Variants in RBFOX1 observed in about 807,000 individuals in gnomAD.
RBFOX1 encodes the protein RNA binding protein fox-1 homolog 1.
In RBFOX1, 8 loss-of-function variants were observed where a neutral mutation model predicts 57.7. The observed-to-expected ratio is 0.14, with a 90% CI of 0.08 to 0.25. The LOEUF is 0.25. Among genes scored for constraint, RBFOX1 ranks in the 10% least tolerant of loss-of-function variants. The pLI, the probability that RBFOX1 is intolerant of heterozygous loss-of-function variation, is 1.00. For synonymous variants in RBFOX1, 326 were observed against 222.4 expected, an observed-to-expected ratio of 1.47 and a Z score of -4.15; for missense variants, 611 against 548.5, an observed-to-expected ratio of 1.11 and a Z score of -1.14.
At chr16:5,790,567 T>C (rs2054656686) in intron 3 of RBFOX1, among the ~76,000 whole-genome samples, 2 of 150,638 alleles carry the variant, frequency 1.3e-5, no homozygotes, top group Admixed American at 1.3e-4. Flanking sequence ...TAAAATGGAA[T>C]AGGGACCTTG....
rs116714479 is a variant in RBFOX1, at chr16:6,647,440, G to C, written c.-63-7163G>C. 1.3e-3 allele frequency among the ~76,000 whole-genome samples: 202 copies of C among 152,100 alleles called. 1 individual carries two copies. Among genetic ancestry groups the C allele is most frequent in the African/African-American group, 4.7e-3 (194 of 41,488 alleles). ...TTCTATTATATTGAAATCCAATGGG[G>C]TTTCACCTTGTTGGCCACGTTGGTC... On this transcript the variant is annotated intron_variant, in intron 2 of 15. Coordinates refer to ENST00000550418, the MANE Select transcript of RBFOX1 (RefSeq NM_018723.4).
chr16:5,643,867 A>C (rs1014581893), intron 3 of RBFOX1, among the ~76,000 whole-genome samples: 1 of 152,234 alleles, frequency 6.6e-6, no homozygotes, highest in Non-Finnish European at 1.5e-5. Flanking sequence ...CTGCACACGC[A>C]TAAACAGTAT....
intron 4 of RBFOX1, among the ~76,000 whole-genome samples, chr16:7,097,771 C>G (rs1188590942): frequency 1.3e-5 from 2 of 152,088 alleles, no homozygotes; most frequent in East Asian, 1.9e-4. Flanking sequence ...TCCAGAGATT[C>G]TGATGAAAAG....
chr16:6,839,320 G>A (rs188621538), intron 3 of RBFOX1, among the ~76,000 whole-genome samples: 2 of 152,242 alleles, frequency 1.3e-5, no homozygotes, highest in East Asian at 1.9e-4. Context: ...GTCTGAAAAC[G>A]ATAACTCCTC....
chr16:6,871,255 G>A (rs539542765), intron 3 of RBFOX1, among the ~76,000 whole-genome samples: 10 of 152,148 alleles, frequency 6.6e-5, no homozygotes, highest in South Asian at 2.1e-4. Context: ...GCATGATCTC[G>A]GCTCACTCTA....
At chr16:5,958,724 C>G (rs551256583) in intron 4 of RBFOX1, among the ~76,000 whole-genome samples, 228 of 152,316 alleles carry the variant, frequency 1.5e-3, no homozygotes, top group Non-Finnish European at 2.3e-3. Context: ...AAGGTTTCTA[C>G]TGGCAGCTCC....
chr16:5,861,735 C>A (rs1246063448), intron 3 of RBFOX1, among the ~76,000 whole-genome samples: 1 of 152,230 alleles, frequency 6.6e-6, no homozygotes, highest in African/African-American at 2.4e-5. Flanking sequence ...TTCACCTGAT[C>A]ACCAGAGGCA....
chr16:7,274,651 A>AT, intron 4 of RBFOX1, among the ~76,000 whole-genome samples: 1 of 151,542 alleles, frequency 6.6e-6, no homozygotes, highest in South Asian at 2.1e-4. Flanking sequence ...TTATTTATTT[A>AT]TTTATTTGAG....
chr16:7,399,200 C>A (rs915588534), intron 4 of RBFOX1, among the ~76,000 whole-genome samples: 2 of 152,222 alleles, frequency 1.3e-5, no homozygotes, highest in Non-Finnish European at 2.9e-5. Flanking sequence ...GTTATCCCAA[C>A]ATTTTGGGAG....
chr16:6,656,718 C>G (rs886873731), intron 3 of RBFOX1, among the ~76,000 whole-genome samples: 2 of 151,908 alleles, frequency 1.3e-5, no homozygotes, highest in Admixed American at 1.3e-4. Context: ...TTTTTCTAAA[C>G]TTGACCTCAT....
At chr16:7,534,519 A>G (rs2081013381) in intron 5 of RBFOX1, among the ~76,000 whole-genome samples, 1 of 152,126 alleles carries the variant, frequency 6.6e-6, no homozygotes, top group South Asian at 2.1e-4. Context: ...CTTCCCCTGT[A>G]GCTAGAATAA....
chr16:6,052,612 G>C (rs2095564426), intron 1 of RBFOX1, among the ~76,000 whole-genome samples: 1 of 151,832 alleles, frequency 6.6e-6, no homozygotes, highest in Non-Finnish European at 1.5e-5. Flanking sequence ...GTGAAACTCT[G>C]TCTCTACTAA....
At position 6,146,099 on chromosome 16, in the gene RBFOX1, C is replaced by T. The variant is rs867596274; in HGVS notation, c.-127+126107C>T. On this transcript the variant is annotated intron_variant, in intron 1 of 15. Transcript: ENST00000550418. ...AGCTGTGTTCTAACTATGGTGCTTACGTAGCCTGAAGCACCTTTCTGACCC... is the reference window on the plus strand; with the variant it reads ...AGCTGTGTTCTAACTATGGTGCTTATGTAGCCTGAAGCACCTTTCTGACCC... Among the ~76,000 whole-genome samples the T allele has an allele frequency of 5.9e-5, 9 of 152,096 alleles. No individual in the cohort carries two copies. The East Asian group carries it at 1.4e-3, about 23-fold the overall frequency.
At chr16:6,364,720 C>G (rs17139955) in intron 2 of RBFOX1, among the ~76,000 whole-genome samples, 2,613 of 152,268 alleles carry the variant, frequency 0.017, 35 homozygotes, top group Middle Eastern at 0.031. Context: ...ATTTCTCACC[C>G]TGAATTACAC....
chr16:5,239,946 G>A lies in RBFOX1; in HGVS notation c.60G>A (p.Arg20=), dbSNP rs893066506. 12 of 1,527,576 alleles carry A rather than the reference G, an allele frequency of 7.9e-6. No individual in the cohort carries two copies. The African/African-American group carries it at 1.7e-4, about 21-fold the overall frequency. 94.6% of individuals were successfully genotyped at this position (1,527,576 alleles called of 1,614,324 possible). The change falls in exon 1 of 3, where the codon CGG becomes CGA. Residue 20 remains arginine (R), a synonymous_variant. Transcript: ENST00000585867. The stretch of plus-strand genomic sequence containing the variant: ...GCAAGCCCCGAGGCAGGGATGGCCG[G>A]CCCAGGAGGGAGGAGGACGACGTCC...
chr16:7,296,554 G>C (rs2095895605), intron 4 of RBFOX1, among the ~76,000 whole-genome samples: 1 of 152,150 alleles, frequency 6.6e-6, no homozygotes, highest in Non-Finnish European at 1.5e-5. Context: ...GGAATGGTTA[G>C]CTCACATGCT....
intron 2 of RBFOX1, among the ~76,000 whole-genome samples, chr16:6,447,624 C>T (rs1276496024): frequency 2.0e-5 from 3 of 152,094 alleles, no homozygotes; most frequent in South Asian, 2.1e-4. Flanking sequence ...TGTATCTCTA[C>T]GTGCGCGGAC....
chr16:5,764,027 C>T (rs995797634), intron 3 of RBFOX1, among the ~76,000 whole-genome samples: 1 of 152,170 alleles, frequency 6.6e-6, no homozygotes, highest in African/African-American at 2.4e-5. Context: ...CATTGCTGTA[C>T]CCCCGTGGTT....
intron 11 of RBFOX1, among the ~76,000 whole-genome samples, chr16:7,640,288 A>C (rs1293835134): frequency 2.6e-5 from 4 of 152,234 alleles, no homozygotes; most frequent in Non-Finnish European, 4.4e-5. Flanking sequence ...GTTTAAAGGG[A>C]AAGTTCTGCA....
Sources: gnomAD v4.1 joint callset for allele counts (sites outside exome capture counted in the v4.1 genomes callset) on GRCh38, gnomAD v4.1.1 for gene constraint, MANE v1.5 for transcripts, NCBI Gene and HGNC (gene_info 2026-07-23, HGNC 2026-07-21) for gene names.